DDX52: variants seen among roughly 807,000 people sequenced by gnomAD.
DDX52 encodes the protein probable ATP-dependent RNA helicase DDX52.
In DDX52, 59 loss-of-function variants were observed where a neutral mutation model predicts 76.1. The observed-to-expected ratio is 0.78, with a 90% confidence interval of 0.63 to 0.96. The LOEUF (loss-of-function observed/expected upper bound fraction) is 0.96, where lower values mean the gene tolerates loss of function less well. Among genes scored for constraint, DDX52 ranks in the 40% least tolerant of loss-of-function variants. The pLI is 0.00. For synonymous variants in DDX52, 231 were observed against 244.1 expected (o/e 0.95, Z 0.50); for missense variants, 707 against 703.9 (o/e 1.00, Z -0.05).
chr17:37,622,915 CT>C (rs2147343865), intron 9 of DDX52, among the ~76,000 whole-genome samples: 1 of 152,278 alleles, frequency 6.6e-6, no homozygotes, highest in South Asian at 2.1e-4. Context: ...AGTAAAACAG[CT>C]CTATGAGGTA....
rs752688665 is a variant in DDX52, at chr17:37,633,277, A to AT, written c.417+10dup. 1.4e-5 allele frequency: 22 copies of AT among 1,595,872 alleles called. No individual in the cohort carries two copies. The South Asian group carries it at 2.5e-4, about 18-fold the overall frequency. ...ATATATATACTTTTGGCCCCAAAATATTTTTCTAACCTTTTCTTTTCTGAG... is the reference window on the plus strand; with the variant it reads ...ATATATATACTTTTGGCCCCAAAATATTTTTTCTAACCTTTTCTTTTCTGAG... On this transcript the variant is annotated intron_variant, in intron 3 of 14. Transcript: ENST00000617633.
intron 2 of DDX52, among the ~76,000 whole-genome samples, chr17:37,640,714 G>A (rs1412751395): frequency 2.7e-5 from 4 of 148,972 alleles, no homozygotes; most frequent in East Asian, 3.9e-4. Flanking sequence ...AAGGCCAGGC[G>A]CGGTGGCTCA....
rs544266116 is a variant in DDX52 at position 37,643,213 on chromosome 17, C to G, written c.87+121G>C. On this transcript the variant is annotated intron_variant, in intron 1 of 14. Coordinates refer to ENST00000617633, the MANE Select transcript of DDX52 (RefSeq NM_007010.5). ...GAACACAAAAGGAAGCAAAATACCC[C>G]AAGGGTGGCGAGAGCCAGGCCACGG... The G allele has an allele frequency of 9.3e-5, 95 of 1,018,858 alleles. 1 individual carries two copies. The South Asian group carries it at 1.2e-3, about 13-fold the overall frequency. 63.1% of individuals were successfully genotyped at this position (1,018,858 alleles called of 1,614,324 possible).
chr17:37,632,125 T>C lies in DDX52; in HGVS notation c.591A>G (p.Pro197=), dbSNP rs2030709409. ...MPTPIQMQAI[P]VMLHGRELLA... is the part of the protein sequence containing the mutation. ...TCTTCATACTCACATGCAGCATAAC[T>C]GGGATGGCTTGCATTTGGATTGGCG... Residue 197 remains proline, a synonymous_variant, in exon 4 of 15, where the codon CCA becomes CCG. Coordinates refer to ENST00000617633, the MANE Select transcript of DDX52 (RefSeq NM_007010.5). 2.5e-6 allele frequency: 4 copies of C among 1,612,870 alleles called. No individual in the cohort carries two copies. Among genetic ancestry groups the C allele is most frequent in the Non-Finnish European group, 3.4e-6 (4 of 1,179,800 alleles).
At chr17:37,625,780 T>TA in intron 8 of DDX52, 115 bp downstream of exon 8, 1 of 1,133,748 alleles carries the variant, frequency 8.8e-7, no homozygotes. Context: ...TTTCAATCAG[T>TA]AAAACTCTCT....
intron 2 of DDX52, among the ~76,000 whole-genome samples, chr17:37,634,191 C>A (rs111437712): frequency 6.6e-6 from 1 of 151,304 alleles, no homozygotes; most frequent in Admixed American, 6.6e-5. Context: ...TCAAGTGATC[C>A]GCCCGCCTCG....
intron 2 of DDX52, among the ~76,000 whole-genome samples, chr17:37,641,555 G>A (rs901304414): frequency 4.6e-5 from 7 of 151,878 alleles, no homozygotes; most frequent in African/African-American, 1.7e-4. Context: ...TGGCCAACAT[G>A]GTGAAACCCC....
chr17:37,611,766 C>CCAACTGGA lies in DDX52; in HGVS notation c.*2522_*2529dup, dbSNP rs1023825651. ...AAAAAAAAAAAAAAATCTAAAAAACCCAACTGGACAACAAGCAAGACCTCG... is the reference window on the plus strand; with the variant it reads ...AAAAAAAAAAAAAAATCTAAAAAACCCAACTGGACAACTGGACAACAAGCAAGACCTCG... On this transcript the variant is annotated 3_prime_UTR_variant, in exon 15 of 15. Coordinates refer to ENST00000617633, the MANE Select transcript of DDX52 (RefSeq NM_007010.5). The CCAACTGGA allele has an allele frequency of 8.0e-5, 12 of 149,774 alleles. No individual in the cohort carries two copies. Among genetic ancestry groups the CCAACTGGA allele is most frequent in the African/African-American group, 2.9e-4 (12 of 40,884 alleles). The allele number at this position is 149,774 out of a possible 1,614,324, so 9.3% of individuals were successfully genotyped here.
intron 13 of DDX52, among the ~76,000 whole-genome samples, chr17:37,619,545 A>C (rs1384315690): frequency 6.6e-6 from 1 of 151,980 alleles, no homozygotes; most frequent in Non-Finnish European, 1.5e-5. Context: ...TCTACTCCCC[A>C]AAAATCTAAA....
At chr17:37,621,001 A>C in intron 11 of DDX52, 53 bp from the exon 12 acceptor site, 1 of 1,564,314 alleles carries the variant, frequency 6.4e-7, no homozygotes, top group Non-Finnish European at 8.6e-7. Flanking sequence ...GGAGGCTCTC[A>C]AAATTCATTT....
At chr17:37,616,336 C>A (rs1021224643) in intron 14 of DDX52, among the ~76,000 whole-genome samples, 2 of 152,016 alleles carry the variant, frequency 1.3e-5, no homozygotes, top group Non-Finnish European at 2.9e-5. Flanking sequence ...GAAACTGTTG[C>A]GACAGAAAAT....
Position 37,621,451 on chromosome 17 carries a change from T to C in DDX52, c.1297A>G (p.Ile433Val). 6.2e-7 allele frequency: 1 copy of C among 1,613,874 alleles called. No homozygotes were observed. The highest frequency in any genetic ancestry group is 8.5e-7 in the Non-Finnish European group (1 of 1,179,912). ...ACATCCACATTAATACCTTCATATA[T>C]GAGCTCATGAAAAAGTTCTTTAGCC... The part of the protein sequence containing the change: ...ERAKELFHEL[I>V]YEGINVDVIH... The change falls in exon 10 of 15, where the codon ATA becomes GTA. Residue 433 changes from isoleucine (I) to valine (V), a missense_variant. Coordinates refer to ENST00000617633, the MANE Select transcript of DDX52 (RefSeq NM_007010.5).
intron 11 of DDX52, 26 bp downstream of exon 11, chr17:37,621,101 G>C (rs1204266758): frequency 1.3e-6 from 2 of 1,593,184 alleles, no homozygotes; most frequent in Admixed American, 3.6e-5. Flanking sequence ...GGGTGACAGA[G>C]GGGAAGGAAA....
At chr17:37,622,572 C>T (rs141637418) in intron 9 of DDX52, among the ~76,000 whole-genome samples, 6 of 151,864 alleles carry the variant, frequency 4.0e-5, no homozygotes, top group East Asian at 1.9e-4. Flanking sequence ...GGGATTACAC[C>T]GGTGAGCCAC....
chr17:37,638,777 T>C (rs1314824196), intron 2 of DDX52, among the ~76,000 whole-genome samples: 2 of 149,420 alleles, frequency 1.3e-5, no homozygotes, highest in African/African-American at 4.9e-5. Context: ...TTTCTTTTTT[T>C]TTTTTTTTTT....
chr17:37,640,814 C>T (rs755932759), intron 2 of DDX52, among the ~76,000 whole-genome samples: 14 of 151,436 alleles, frequency 9.2e-5, no homozygotes, highest in Non-Finnish European at 1.3e-4. Context: ...GGAGAAACCC[C>T]GTCTCTACTA....
chr17:37,629,902 T>C (rs994049129), intron 5 of DDX52, 128 bp downstream of exon 5: 14 of 1,276,684 alleles, frequency 1.1e-5, no homozygotes, highest in Non-Finnish European at 1.4e-5. Context: ...CACTGTGCTG[T>C]GTAGAGGATA....
chr17:37,642,570 C>T (rs11652559), intron 1 of DDX52: 137,857 of 448,430 alleles, frequency 0.31, 27,354 homozygotes, highest in African/African-American at 0.72. Context: ...AATTGCTTCA[C>T]ATTTACAACT....
chr17:37,632,491 T>C (rs982711878), intron 3 of DDX52, among the ~76,000 whole-genome samples, 193 bp from the exon 4 acceptor site: 1 of 152,218 alleles, frequency 6.6e-6, no homozygotes, highest in Non-Finnish European at 1.5e-5. Context: ...TCATAAAATG[T>C]CTATGCTTTC....
Sources: gnomAD v4.1 joint callset for allele counts (sites outside exome capture counted in the v4.1 genomes callset) on GRCh38, gnomAD v4.1.1 for gene constraint, MANE v1.5 for transcripts, NCBI Gene and HGNC (gene_info 2026-07-23, HGNC 2026-07-21) for gene names.